The following CHST11 variants were observed in gnomAD, a reference collection of about 807,000 sequenced individuals.
CHST11 encodes the protein C4S-1.
A neutral mutation model predicts 30.4 loss-of-function variants in CHST11; 9 were observed. The observed-to-expected ratio is 0.30, with a 90% CI of 0.18 to 0.52. The LOEUF is 0.52. Among genes scored for constraint, CHST11 ranks in the 20% least tolerant of loss-of-function variants. The pLI is 0.97. For synonymous variants in CHST11, 152 were observed against 187.8 expected (o/e 0.81, Z 1.56); for missense variants, 348 against 460.6 (o/e 0.76, Z 2.24).
intron 1 of CHST11, among the ~76,000 whole-genome samples, chr12:104,486,276 G>A (rs2037677970): frequency 6.7e-6 from 1 of 150,218 alleles, no homozygotes. Context: ...TCACATCCAT[G>A]GGGAAAAAGT....
intron 2 of CHST11, among the ~76,000 whole-genome samples, chr12:104,747,740 G>C (rs1451914022): frequency 6.6e-6 from 1 of 152,106 alleles, no homozygotes; most frequent in African/African-American, 2.4e-5. Context: ...AAAACCCTCA[G>C]TCACTTAATG....
chr12:104,726,825 G>A (rs1232158341), intron 2 of CHST11, among the ~76,000 whole-genome samples: 1 of 152,160 alleles, frequency 6.6e-6, no homozygotes, highest in Non-Finnish European at 1.5e-5. Context: ...ACTGCCTAAG[G>A]AACCCATAGC....
chr12:104,716,078 AG>A (rs751485138), intron 2 of CHST11, among the ~76,000 whole-genome samples: 14 of 152,160 alleles, frequency 9.2e-5, no homozygotes, highest in Non-Finnish European at 1.9e-4. Flanking sequence ...TCAAGCCCCT[AG>A]CTTGGGTGGA....
intron 1 of CHST11, among the ~76,000 whole-genome samples, chr12:104,535,719 A>G: frequency 6.6e-6 from 1 of 152,212 alleles, no homozygotes. Flanking sequence ...GTTTGTGATG[A>G]CATTCATTTA....
At chr12:104,583,752 G>T (rs545954716) in intron 1 of CHST11, among the ~76,000 whole-genome samples, 1 of 148,854 alleles carries the variant, frequency 6.7e-6, no homozygotes, top group Non-Finnish European at 1.5e-5. Flanking sequence ...TCACTCTGTC[G>T]CCCAGGCTGG....
At chr12:104,493,950 A>G (rs962828721) in intron 1 of CHST11, among the ~76,000 whole-genome samples, 3 of 152,140 alleles carry the variant, frequency 2.0e-5, no homozygotes, top group African/African-American at 7.2e-5. Flanking sequence ...CAGCCTCCCA[A>G]GTAGCTGGGA....
At chr12:104,605,597 A>T (rs1275544439) in intron 2 of CHST11, among the ~76,000 whole-genome samples, 1 of 152,208 alleles carries the variant, frequency 6.6e-6, no homozygotes, top group Admixed American at 6.5e-5. Flanking sequence ...AAAAAATAAA[A>T]AAAAAAGTTT....
chr12:104,541,275 G>A (rs2038285345), intron 1 of CHST11, among the ~76,000 whole-genome samples: 1 of 152,192 alleles, frequency 6.6e-6, no homozygotes, highest in Admixed American at 6.5e-5. Context: ...ACAGAGTGAT[G>A]TAAACCTACA....
chr12:104,632,165 A>T (rs2039277305), intron 2 of CHST11, among the ~76,000 whole-genome samples: 1 of 152,108 alleles, frequency 6.6e-6, no homozygotes, highest in African/African-American at 2.4e-5. Flanking sequence ...GACCTCCTGG[A>T]TTCCAGGCCA....
At chr12:104,553,583 G>GAGAT (rs1021731510) in intron 1 of CHST11, 1 of 150,782 alleles carries the variant, frequency 6.6e-6, no homozygotes, top group Non-Finnish European at 1.5e-5. Context: ...GAGAGAGAGA[G>GAGAT]AGAGAGAGAG....
In CHST11 at chr12:104,721,665, C is replaced by T. The variant is rs373483143; in HGVS notation, c.205-35284C>T. On this transcript the variant is annotated intron_variant, in intron 2 of 2. Transcript: ENST00000303694. ...ACAGCGTCCCTGGTATAAGGAGTTA[C>T]GTGAACAAACGTTTTCAGAGCCACC... 7.8e-4 allele frequency among the ~76,000 whole-genome samples: 118 copies of T among 152,066 alleles called. 5 individuals are homozygous for T. In the South Asian group the frequency reaches 0.024, roughly 31 times the overall value.
chr12:104,575,994 G>A lies in CHST11; in HGVS notation c.119-25912G>A, dbSNP rs189559422. ...CCTGTGATTACAAACCATGGCCCTC[G>A]GGTGGGTGGGTGGCATGTGTGCATG... On this transcript the variant is annotated intron_variant, in intron 1 of 2. Transcript: ENST00000303694. Among the ~76,000 whole-genome samples, 315 of 151,708 alleles carry A rather than the reference G, an allele frequency of 2.1e-3. 3 individuals are homozygous for A. Among genetic ancestry groups the A allele is most frequent in the South Asian group, 1.0e-2 (48 of 4,802 alleles).
intron 1 of CHST11, among the ~76,000 whole-genome samples, chr12:104,496,034 G>GAA (rs1369944359): frequency 1.3e-5 from 2 of 152,244 alleles, no homozygotes; most frequent in Non-Finnish European, 2.9e-5. Flanking sequence ...GAGGGCTTTA[G>GAA]AAATAGTGGC....
intron 2 of CHST11, among the ~76,000 whole-genome samples, chr12:104,693,445 A>G (rs1031643168): frequency 6.6e-6 from 1 of 152,194 alleles, no homozygotes; most frequent in Non-Finnish European, 1.5e-5. Flanking sequence ...CGTCATTAAT[A>G]TTTGTGCTGG....
intron 2 of CHST11, among the ~76,000 whole-genome samples, chr12:104,748,682 G>A (rs868489827): frequency 3.3e-5 from 5 of 152,208 alleles, no homozygotes; most frequent in East Asian, 3.9e-4. Flanking sequence ...AGCCCCACCC[G>A]GCACCTTAGT....
At chr12:104,511,994 T>A (rs1200585091) in intron 1 of CHST11, among the ~76,000 whole-genome samples, 1 of 152,240 alleles carries the variant, frequency 6.6e-6, no homozygotes, top group Non-Finnish European at 1.5e-5. Context: ...ACTTATAATA[T>A]TAATAACTAA....
chr12:104,659,631 A>C (rs776034372), intron 2 of CHST11, among the ~76,000 whole-genome samples: 1 of 152,200 alleles, frequency 6.6e-6, no homozygotes, highest in Non-Finnish European at 1.5e-5. Flanking sequence ...GTTGAAATGA[A>C]AATGTTTTAG....
intron 2 of CHST11, among the ~76,000 whole-genome samples, chr12:104,673,953 G>T (rs1355305245): frequency 2.6e-5 from 4 of 152,164 alleles, no homozygotes; most frequent in African/African-American, 4.8e-5. Context: ...TTTCTTCCCT[G>T]CCCGTGTCTT....
intron 1 of CHST11, among the ~76,000 whole-genome samples, chr12:104,475,658 T>TATATATATATATATATA (rs2037549998): frequency 2.9e-5 from 1 of 34,172 alleles, no homozygotes; most frequent in Non-Finnish European, 7.4e-5. Flanking sequence ...TAAAGCAGCA[T>TATATATATATATATATA]TATATATATA....
Sources: gnomAD v4.1 joint callset for allele counts (sites outside exome capture counted in the v4.1 genomes callset) on GRCh38, gnomAD v4.1.1 for gene constraint, MANE v1.5 for transcripts, NCBI Gene and HGNC (gene_info 2026-07-23, HGNC 2026-07-21) for gene names.